Variants in GFM1 observed in about 807,000 individuals in gnomAD.
GFM1 encodes G elongation factor mitochondrial 1.
Under a neutral mutation model 96.2 loss-of-function variants are expected in GFM1, and 62 were observed. The observed-to-expected ratio is 0.64, with a 90% confidence interval of 0.53 to 0.80. The LOEUF is 0.80. Among genes scored for constraint, GFM1 ranks in the 30% least tolerant of loss-of-function variants. The pLI is 0.00. For synonymous variants in GFM1, 282 were observed against 312.9 expected (o/e 0.90, Z 1.04); for missense variants, 852 against 916.6 (o/e 0.93, Z 0.91).
intron 14 of GFM1, 100 bp downstream of exon 14, chr3:158,682,257 T>C (rs1009321850): frequency 2.0e-6 from 2 of 997,196 alleles, no homozygotes; most frequent in Middle Eastern, 2.8e-4. Context: ...CTATCACAGT[T>C]TGTTTTAGTT....
chr3:158,670,955 A>G (rs1335257032), intron 13 of GFM1: 1 of 1,521,688 alleles, frequency 6.6e-7, no homozygotes, highest in Non-Finnish European at 8.8e-7. Flanking sequence ...AATTTAACTT[A>G]CTTTTTGTAT....
At chr3:158,683,377 T>G (rs74821076) in intron 14 of GFM1, among the ~76,000 whole-genome samples, 17,139 of 152,256 alleles carry the variant, frequency 0.11, 1,238 homozygotes, top group South Asian at 0.22. Flanking sequence ...TGGTAGGAGC[T>G]CCACAAGTAT....
intron 5 of GFM1, chr3:158,650,304 T>C (rs1722187140): frequency 2.0e-6 from 1 of 491,290 alleles, no homozygotes; most frequent in Admixed American, 3.2e-5. Context: ...CTAGAACAAC[T>C]AGTTACAACT....
chr3:158,690,671 A>C (rs1446331145), intron 16 of GFM1: 1 of 332,208 alleles, frequency 3.0e-6, no homozygotes, highest in Non-Finnish European at 5.6e-6. Flanking sequence ...TGTTATCTTT[A>C]ATTTATCCCT....
At chr3:158,663,631 A>G (rs1182194479) in intron 11 of GFM1, among the ~76,000 whole-genome samples, 1 of 152,216 alleles carries the variant, frequency 6.6e-6, no homozygotes, top group Non-Finnish European at 1.5e-5. Flanking sequence ...GTAGGATGCC[A>G]TAGTTTATTC....
At chr3:158,668,933 G>T in intron 13 of GFM1, 1 of 1,402,034 alleles carries the variant, frequency 7.1e-7, no homozygotes, top group Non-Finnish European at 9.8e-7. Flanking sequence ...ATCCAATTAT[G>T]AATTACAATA....
chr3:158,675,181 G>A (rs1724768142), intron 13 of GFM1, among the ~76,000 whole-genome samples: 1 of 151,372 alleles, frequency 6.6e-6, no homozygotes, highest in Non-Finnish European at 1.5e-5. Context: ...CAGCTACTCG[G>A]GAGGCTGAGG....
intron 8 of GFM1, chr3:158,657,374 C>T (rs1403718852): frequency 1.3e-5 from 2 of 152,010 alleles, no homozygotes; most frequent in Non-Finnish European, 2.9e-5. Flanking sequence ...TGCCAGATTG[C>T]GTTCATACTC....
intron 4 of GFM1, 129 bp from the exon 5 acceptor site, chr3:158,648,912 C>T (rs1278513794): frequency 1.5e-5 from 10 of 672,534 alleles, no homozygotes; most frequent in Non-Finnish European, 2.5e-5. Context: ...ATTTTCTGTT[C>T]TGACCTGATG....
intron 14 of GFM1, 84 bp from the exon 15 acceptor site, chr3:158,684,440 T>C (rs1330574282): frequency 1.4e-6 from 2 of 1,405,210 alleles, no homozygotes; most frequent in Non-Finnish European, 2.0e-6. Context: ...CGTACACTTC[T>C]GAACACAAAT....
intron 5 of GFM1, chr3:158,649,967 T>A: frequency 6.7e-7 from 1 of 1,498,866 alleles, no homozygotes; most frequent in Non-Finnish European, 9.0e-7. Flanking sequence ...TCCTTTGTTC[T>A]GAGGAGTGAC....
intron 13 of GFM1, among the ~76,000 whole-genome samples, chr3:158,676,345 T>A (rs1159219929): frequency 6.6e-6 from 1 of 152,194 alleles, no homozygotes; most frequent in Admixed American, 6.5e-5. Flanking sequence ...TTGATTACTT[T>A]GGTTAAAAGT....
chr3:158,659,066 AC>A lies in GFM1; in HGVS notation c.1221+8del. On this transcript the variant is annotated splice_region_variant and intron_variant, in intron 9 of 17. Transcript: ENST00000486715. ...GCATGCCGACATGATGGAGGCAAGTACAGAGTCATTGTGAGATTAGAAATTC... is the reference window on the plus strand; with the variant it reads ...GCATGCCGACATGATGGAGGCAAGTAAGAGTCATTGTGAGATTAGAAATTC... 1 of 1,614,186 alleles carries A rather than the reference AC, an allele frequency of 6.2e-7. No homozygotes were observed. Among genetic ancestry groups the A allele is most frequent in the Non-Finnish European group, 8.5e-7 (1 of 1,180,034 alleles).
At chr3:158,686,094 C>T (rs1426890990) in intron 15 of GFM1, among the ~76,000 whole-genome samples, 1 of 150,674 alleles carries the variant, frequency 6.6e-6, no homozygotes. Context: ...ATCTATGTGG[C>T]CATATATATA....
chr3:158,666,979 A>T, intron 13 of GFM1: 2 of 1,580,348 alleles, frequency 1.3e-6, no homozygotes, highest in Non-Finnish European at 1.7e-6. Flanking sequence ...CAGTTTTCAG[A>T]ATGGCATCAA....
chr3:158,645,916 G>A (rs1239096528), intron 2 of GFM1, 135 bp downstream of exon 2: 1 of 929,720 alleles, frequency 1.1e-6, no homozygotes, highest in African/African-American at 1.7e-5. Flanking sequence ...AGGCTTATCT[G>A]AAAGTTGCTT....
chr3:158,679,969 A>G (rs1725224991), intron 13 of GFM1, among the ~76,000 whole-genome samples: 1 of 152,218 alleles, frequency 6.6e-6, no homozygotes, highest in Non-Finnish European at 1.5e-5. Context: ...TACACATACC[A>G]ATTTAGGCTG....
intron 5 of GFM1, chr3:158,649,745 G>C (rs961438703): frequency 7.0e-6 from 3 of 428,438 alleles, no homozygotes; most frequent in African/African-American, 5.9e-5. Flanking sequence ...TTGCCTGGTA[G>C]TTATCAAACC....
chr3:158,656,367 G>A (rs1722758976), intron 8 of GFM1: 1 of 159,700 alleles, frequency 6.3e-6, no homozygotes, highest in Non-Finnish European at 1.4e-5. Flanking sequence ...TGGTCAGGCC[G>A]GTCTCGAACT....
Sources: allele counts gnomAD v4.1 joint callset (sites outside exome capture counted in the v4.1 genomes callset), GRCh38; gene constraint gnomAD v4.1.1; transcripts MANE v1.5; gene names NCBI Gene and HGNC (gene_info 2026-07-23, HGNC 2026-07-21).